Variants in SPAG16 observed in about 807,000 individuals in gnomAD.
SPAG16 encodes sperm-associated antigen 16 protein.
A neutral mutation model predicts 80.4 loss-of-function variants in SPAG16; 86 were observed. That is an observed-to-expected ratio of 1.07 (90% CI 0.90 to 1.28). The LOEUF (loss-of-function observed/expected upper bound fraction) is 1.28. Ranked by LOEUF, SPAG16 falls within the 50% of genes most tolerant of loss-of-function variation. The pLI, the probability that SPAG16 is intolerant of heterozygous loss-of-function variation, is 0.00. For synonymous variants in SPAG16, 294 were observed against 265.9 expected (o/e 1.11, Z -1.03); for missense variants, 870 against 765.3 (o/e 1.14, Z -1.61).
chr2:213,516,500 A>C (rs1334402108), intron 10 of SPAG16, among the ~76,000 whole-genome samples: 1 of 152,202 alleles, frequency 6.6e-6, no homozygotes, highest in African/African-American at 2.4e-5. Context: ...GAGAAAGGTT[A>C]AAGGTTGCGC....
intron 10 of SPAG16, among the ~76,000 whole-genome samples, chr2:213,755,446 G>C (rs2068280083): frequency 6.6e-6 from 1 of 152,054 alleles, no homozygotes; most frequent in Non-Finnish European, 1.5e-5. Flanking sequence ...TTTCTCCTTT[G>C]AAATATATAG....
chr2:213,633,421 A>G (rs1193349905), intron 10 of SPAG16, among the ~76,000 whole-genome samples: 3 of 152,104 alleles, frequency 2.0e-5, no homozygotes, highest in Non-Finnish European at 2.9e-5. Flanking sequence ...TGAACGTTTT[A>G]AGACTTGTTT....
At chr2:213,736,206 T>C (rs543287829) in intron 10 of SPAG16, among the ~76,000 whole-genome samples, 27 of 152,346 alleles carry the variant, frequency 1.8e-4, no homozygotes, top group African/African-American at 6.5e-4. Context: ...TAAATAATTA[T>C]ATCATTTTAT....
intron 10 of SPAG16, among the ~76,000 whole-genome samples, chr2:213,785,208 G>A (rs1222252908): frequency 3.9e-5 from 6 of 152,172 alleles, no homozygotes; most frequent in South Asian, 2.1e-4. Context: ...GGACAAATAC[G>A]ATGTGATTTT....
At chr2:213,616,322 G>A (rs1255112426) in intron 10 of SPAG16, among the ~76,000 whole-genome samples, 1 of 152,208 alleles carries the variant, frequency 6.6e-6, no homozygotes, top group Non-Finnish European at 1.5e-5. Flanking sequence ...ATAAATTAAT[G>A]TGTTGGCACA....
chr2:214,403,244 G>C (rs972478200), intron 15 of SPAG16, among the ~76,000 whole-genome samples: 1 of 151,260 alleles, frequency 6.6e-6, no homozygotes, highest in Non-Finnish European at 1.5e-5. Context: ...TATGTGATAT[G>C]TGATATACTA....
chr2:214,233,031 C>A (rs144470954), intron 15 of SPAG16, among the ~76,000 whole-genome samples: 13 of 152,104 alleles, frequency 8.5e-5, no homozygotes, highest in African/African-American at 3.1e-4. Flanking sequence ...GAATACATAT[C>A]CTATGATTCT....
At chr2:214,090,488 A>C (rs1471732010) in intron 13 of SPAG16, among the ~76,000 whole-genome samples, 1 of 151,734 alleles carries the variant, frequency 6.6e-6, no homozygotes, top group Admixed American at 6.6e-5. Flanking sequence ...GTCAAGGGTC[A>C]AAGAAAGAAA....
At chr2:213,421,756 G>A (rs2069600814) in intron 9 of SPAG16, among the ~76,000 whole-genome samples, 1 of 152,106 alleles carries the variant, frequency 6.6e-6, no homozygotes, top group Non-Finnish European at 1.5e-5. Flanking sequence ...ACCCAATTTG[G>A]GTCTCCTCAA....
At chr2:213,664,557 CT>C (rs1270129220) in intron 10 of SPAG16, among the ~76,000 whole-genome samples, 1 of 152,034 alleles carries the variant, frequency 6.6e-6, no homozygotes, top group African/African-American at 2.4e-5. Flanking sequence ...AACAGATTTC[CT>C]TTCTTTGAAA....
intron 10 of SPAG16, among the ~76,000 whole-genome samples, chr2:213,566,199 G>T (rs2059756616): frequency 6.6e-6 from 1 of 152,268 alleles, no homozygotes; most frequent in Admixed American, 6.5e-5. Context: ...TGTGTGGTTA[G>T]GTCGTTGGAG....
chr2:213,337,644 T>G (rs772738493), intron 5 of SPAG16, among the ~76,000 whole-genome samples: 5 of 151,868 alleles, frequency 3.3e-5, no homozygotes, highest in Non-Finnish European at 7.4e-5. Context: ...ACTATCTTGC[T>G]GAAATAAGAC....
chr2:213,942,197 C>T (rs1397656756), intron 12 of SPAG16, among the ~76,000 whole-genome samples: 1 of 152,136 alleles, frequency 6.6e-6, no homozygotes, highest in Non-Finnish European at 1.5e-5. Context: ...TCTCTGCCTG[C>T]TTTGCCTACA....
At chr2:213,860,465 ATATC>A (rs2075397577) in intron 10 of SPAG16, among the ~76,000 whole-genome samples, 1 of 122,338 alleles carries the variant, frequency 8.2e-6, no homozygotes, top group African/African-American at 2.7e-5. Context: ...ATATACAGAT[ATATC>A]TATCTATATA....
intron 10 of SPAG16, among the ~76,000 whole-genome samples, chr2:213,724,776 C>CAAAAAA (rs1159240137): frequency 2.0e-3 from 80 of 39,598 alleles, no homozygotes; most frequent in South Asian, 3.3e-3. Flanking sequence ...GACTCTGTCT[C>CAAAAAA]AAAAAAAAAA....
At chr2:213,993,728 A>G (rs1309627669) in intron 12 of SPAG16, among the ~76,000 whole-genome samples, 1 of 152,206 alleles carries the variant, frequency 6.6e-6, no homozygotes, top group East Asian at 1.9e-4. Context: ...AAGTAATAGG[A>G]TGTGCTTCTG....
At chr2:214,146,820 G>GA (rs2055664495) in intron 14 of SPAG16, among the ~76,000 whole-genome samples, 1 of 152,008 alleles carries the variant, frequency 6.6e-6, no homozygotes, top group East Asian at 1.9e-4. Context: ...CTAACACAGT[G>GA]AAACCCCGTC....
At chr2:213,778,394 T>C (rs1007843097) in intron 10 of SPAG16, among the ~76,000 whole-genome samples, 1 of 152,194 alleles carries the variant, frequency 6.6e-6, no homozygotes, top group Non-Finnish European at 1.5e-5. Context: ...ACTTAATTAC[T>C]AAAGTCAAAT....
chr2:214,388,125 C>CA (rs1315038854), intron 15 of SPAG16, among the ~76,000 whole-genome samples: 1 of 151,762 alleles, frequency 6.6e-6, no homozygotes, highest in African/African-American at 2.4e-5. Flanking sequence ...AATGCTAGAA[C>CA]AAAAAGAATG....
Sources: gnomAD v4.1 joint callset for allele counts (sites outside exome capture counted in the v4.1 genomes callset) on GRCh38, gnomAD v4.1.1 for gene constraint, MANE v1.5 for transcripts, NCBI Gene and HGNC (gene_info 2026-07-23, HGNC 2026-07-21) for gene names.